The following PPP1R9A variants were observed in gnomAD, a reference collection of about 807,000 sequenced individuals.
The protein encoded by PPP1R9A is neurabin-1.
PPP1R9A carries 59 observed loss-of-function variants against 141.9 expected under a neutral mutation model. The ratio of observed to expected loss-of-function variants is 0.42; its 90% confidence interval spans 0.34 to 0.52. The LOEUF is 0.52. Ranked by LOEUF, PPP1R9A falls within the 20% of genes least tolerant of loss-of-function variation. The probability of loss-of-function intolerance (pLI) is 0.10; values close to 1 mark genes in which losing one functional copy is unlikely to be tolerated. For synonymous variants in PPP1R9A, 500 were observed against 569.7 expected, an observed-to-expected ratio of 0.88 and a Z score of 1.74; for missense variants, 1,444 against 1,611.9, an observed-to-expected ratio of 0.90 and a Z score of 1.78.
intron 4 of PPP1R9A, among the ~76,000 whole-genome samples, chr7:95,132,624 G>A (rs952697499): frequency 3.9e-5 from 6 of 152,050 alleles, no homozygotes; most frequent in South Asian, 4.1e-4. Flanking sequence ...CTTCGGTGCC[G>A]CTTCGCCAGC....
In PPP1R9A at chr7:94,911,423, T is replaced by G; in HGVS notation, c.1310T>G (p.Met437Arg). ...GAGAACAGTTACTATCAGCCTGATA[T>G]GGAGTACTCGGAAATTGTTGGATTG... ...SDENSYYQPDMEYSEIVGLPE... is the reference protein window; with the variant it reads ...SDENSYYQPDREYSEIVGLPE... The change falls in exon 2 of 20, where the codon ATG becomes AGG. Residue 437 changes from methionine (M) to arginine (R), a missense_variant. Around this residue, in one of 5 missense-constraint regions of PPP1R9A, gnomAD observed 490 missense variants for 521.1 expected, o/e 0.94. Coordinates refer to ENST00000433360, the MANE Select transcript of PPP1R9A (RefSeq NM_001166160.2). 6.2e-7 allele frequency: 1 copy of G among 1,613,962 alleles called. No individual in the cohort carries two copies. Among genetic ancestry groups the G allele is most frequent in the Non-Finnish European group, 8.5e-7 (1 of 1,179,874 alleles).
chr7:95,241,271 T>G (rs767557967), intron 8 of PPP1R9A, among the ~76,000 whole-genome samples: 11 of 152,172 alleles, frequency 7.2e-5, no homozygotes, highest in Non-Finnish European at 1.5e-4. Context: ...TAACAGTTGC[T>G]TTCTGAGCAA....
intron 2 of PPP1R9A, among the ~76,000 whole-genome samples, chr7:95,015,070 A>G (rs1465210968): frequency 6.6e-6 from 1 of 151,988 alleles, no homozygotes; most frequent in Non-Finnish European, 1.5e-5. Context: ...GGAATAATCC[A>G]TTTTTCCAAG....
chr7:95,068,523 G>A (rs957911867), intron 2 of PPP1R9A, among the ~76,000 whole-genome samples: 4 of 147,006 alleles, frequency 2.7e-5, no homozygotes, highest in Admixed American at 2.0e-4. Flanking sequence ...AAGCAAAAGT[G>A]ACATTCATCT....
chr7:95,118,287 A>G (rs1821873315), intron 3 of PPP1R9A, among the ~76,000 whole-genome samples: 1 of 152,226 alleles, frequency 6.6e-6, no homozygotes, highest in Admixed American at 6.5e-5. Flanking sequence ...TCTTGATGAA[A>G]TCAGTCTTTA....
chr7:94,978,273 T>C (rs185519389), intron 2 of PPP1R9A, among the ~76,000 whole-genome samples: 3 of 152,332 alleles, frequency 2.0e-5, no homozygotes, highest in Non-Finnish European at 4.4e-5. Flanking sequence ...TTACCTGAGA[T>C]TGAATTGTAC....
At chr7:95,069,953 A>G (rs1377998357) in intron 2 of PPP1R9A, among the ~76,000 whole-genome samples, 5 of 152,132 alleles carry the variant, frequency 3.3e-5, no homozygotes, top group African/African-American at 1.2e-4. Context: ...GCACACAGTA[A>G]ACTGATCTCT....
intron 2 of PPP1R9A, among the ~76,000 whole-genome samples, chr7:95,025,597 T>C (rs1362983318): frequency 6.6e-6 from 1 of 152,172 alleles, no homozygotes; most frequent in Non-Finnish European, 1.5e-5. Flanking sequence ...TCTCTGTATT[T>C]CCTGAATTTA....
chr7:94,980,182 TAAAAA>T (rs71292968), intron 2 of PPP1R9A, among the ~76,000 whole-genome samples: 1 of 126,164 alleles, frequency 7.9e-6, no homozygotes, highest in Non-Finnish European at 1.6e-5. Context: ...GCTGATGAGC[TAAAAA>T]AAAAAAAAAA....
intron 18 of PPP1R9A, chr7:95,287,097 C>T: frequency 1.2e-6 from 2 of 1,610,092 alleles, no homozygotes; most frequent in Non-Finnish European, 1.7e-6. Context: ...TCTTTTATTG[C>T]TCCCTCACTC....
At chr7:95,090,914 T>G (rs1240269292) in intron 2 of PPP1R9A, among the ~76,000 whole-genome samples, 1 of 152,064 alleles carries the variant, frequency 6.6e-6, no homozygotes, top group East Asian at 1.9e-4. Flanking sequence ...TGATGTAGTT[T>G]TATAATCTTT....
chr7:95,248,352 T>A (rs1798432286), intron 9 of PPP1R9A, among the ~76,000 whole-genome samples: 1 of 149,890 alleles, frequency 6.7e-6, no homozygotes, highest in Non-Finnish European at 1.5e-5. Flanking sequence ...TTTCTCCGTG[T>A]GTTTTAAATG....
At chr7:94,998,672 T>A (rs1325958887) in intron 2 of PPP1R9A, among the ~76,000 whole-genome samples, 2 of 152,244 alleles carry the variant, frequency 1.3e-5, no homozygotes, top group Non-Finnish European at 2.9e-5. Flanking sequence ...AGTCCAACAT[T>A]TGGTTTATTC....
At chr7:95,209,791 A>C (rs1791691651) in intron 7 of PPP1R9A, among the ~76,000 whole-genome samples, 1 of 152,136 alleles carries the variant, frequency 6.6e-6, no homozygotes, top group Admixed American at 6.6e-5. Context: ...TAAACACCAT[A>C]TTTTTCAACA....
At chr7:95,050,848 T>C (rs948376175) in intron 2 of PPP1R9A, among the ~76,000 whole-genome samples, 3 of 152,236 alleles carry the variant, frequency 2.0e-5, no homozygotes, top group African/African-American at 7.2e-5. Flanking sequence ...TTTAAGCATT[T>C]ATATCATAGA....
intron 7 of PPP1R9A, among the ~76,000 whole-genome samples, chr7:95,217,108 C>T (rs1468108140): frequency 6.6e-6 from 1 of 152,100 alleles, no homozygotes; most frequent in Non-Finnish European, 1.5e-5. Flanking sequence ...GTGGGTTTGT[C>T]ATAAATAGCT....
chr7:95,099,000 T>A (rs1462867271), intron 2 of PPP1R9A, among the ~76,000 whole-genome samples: 1 of 152,194 alleles, frequency 6.6e-6, no homozygotes, highest in East Asian at 1.9e-4. Flanking sequence ...CCCTCTGTAA[T>A]CTCACCATGT....
chr7:95,265,595 G>A (rs772598019), intron 12 of PPP1R9A, among the ~76,000 whole-genome samples: 4 of 152,174 alleles, frequency 2.6e-5, no homozygotes, highest in Non-Finnish European at 5.9e-5. Context: ...CATATTGCAT[G>A]TAGTGTCTTT....
chr7:94,938,536 AATCATTTC>A (rs1338796232), intron 2 of PPP1R9A, among the ~76,000 whole-genome samples: 1 of 151,982 alleles, frequency 6.6e-6, no homozygotes, highest in African/African-American at 2.4e-5. Flanking sequence ...TACCAGTGTT[AATCATTTC>A]ATGTTTTCAT....
Sources: gnomAD v4.1 joint callset for allele counts (sites outside exome capture counted in the v4.1 genomes callset) on GRCh38, gnomAD v4.1.1 for gene constraint, gnomAD v4.1.1 regional missense constraint, MANE v1.5 for transcripts, NCBI Gene and HGNC (gene_info 2026-07-23, HGNC 2026-07-21) for gene names.